The following MYNN variants were observed in gnomAD, a reference collection of about 807,000 sequenced individuals.
MYNN encodes myoneurin, also known as zinc finger and BTB domain-containing protein 31.
Under a neutral mutation model 57.2 loss-of-function variants are expected in MYNN, and 22 were observed. The ratio of observed to expected loss-of-function variants is 0.38; its 90% CI spans 0.27 to 0.55. The LOEUF (loss-of-function observed/expected upper bound fraction) is 0.55, where lower values mean the gene tolerates loss of function less well. MYNN is among the 20% of genes least tolerant of loss of function. The pLI is 0.71. For missense variants in MYNN, 566 were observed against 723.1 expected (o/e 0.78, Z 2.49); for synonymous variants, 241 against 257.1 (o/e 0.94, Z 0.60).
Position 169,780,742 on chromosome 3 carries a change from C to G in MYNN, c.1213C>G (p.His405Asp), listed in dbSNP as rs763099051. Residue 405 changes from histidine (H) to aspartate (D), a missense_variant, in exon 4 of 8, where the codon CAT becomes GAT. Coordinates refer to ENST00000349841, the MANE Select transcript of MYNN (RefSeq NM_018657.5). Reference sequence around the variant, plus strand: ...TGCAACTTCTAGCAATCTCAAGATTCATGCAAGGTAAAAAACCAAATGAGT... The same window carrying G: ...TGCAACTTCTAGCAATCTCAAGATTGATGCAAGGTAAAAAACCAAATGAGT... ...QFATSSNLKI[H>D]ARKHSGEKPY... 1 of 1,597,658 alleles carries G rather than the reference C, an allele frequency of 6.3e-7. No individual in the cohort carries two copies. The highest frequency in any genetic ancestry group is 1.8e-5 in the Admixed American group (1 of 55,260).
In MYNN at chr3:169,784,769, T is replaced by C. The variant is rs1778622707; in HGVS notation, c.1570+61T>C. On this transcript the variant is annotated intron_variant, in intron 7 of 7. Coordinates refer to ENST00000349841, the MANE Select transcript of MYNN (RefSeq NM_018657.5). The stretch of plus-strand genomic sequence containing the variant: ...TTTAATTTGGTGCTCATATTAGTGC[T>C]ATTCCTTAAAATGCTGAGATGAGAT... 41 of 1,068,566 alleles carry C rather than the reference T, an allele frequency of 3.8e-5. 1 individual carries two copies. The South Asian group carries it at 5.7e-4, about 15-fold the overall frequency. The allele number at this position is 1,068,566 out of a possible 1,614,324, so 66.2% of individuals were successfully genotyped here. A position where few individuals can be genotyped will look rare whatever the true frequency, so the allele number is the denominator to read the frequency against.
At chr3:169,783,947 G>A (rs969706098) in intron 6 of MYNN, 12 of 263,882 alleles carry the variant, frequency 4.5e-5, no homozygotes, top group Non-Finnish European at 9.0e-5. Context: ...CATGCTTATT[G>A]TAAAAAGTAG....
At chr3:169,785,524 T>C (rs913273053) in intron 7 of MYNN, among the ~76,000 whole-genome samples, 1 of 151,972 alleles carries the variant, frequency 6.6e-6, no homozygotes, top group African/African-American at 2.4e-5. Context: ...ACAAAAGTGC[T>C]AAAGAAGATA....
chr3:169,776,695 T>C (rs891859422), intron 2 of MYNN, among the ~76,000 whole-genome samples: 2 of 71,452 alleles, frequency 2.8e-5, no homozygotes, highest in Admixed American at 3.3e-4. Flanking sequence ...GTTGAACAAA[T>C]TTTTTTTTTT....
intron 1 of MYNN, 149 bp from the exon 2 acceptor site, chr3:169,774,116 G>A (rs1477340920): frequency 1.6e-6 from 1 of 607,490 alleles, no homozygotes; most frequent in Non-Finnish European, 2.9e-6. Flanking sequence ...AGATAGAAAG[G>A]CACTCATCCC....
At position 169,788,312 on chromosome 3, in the gene MYNN, A is replaced by G. The variant is rs78698796; in HGVS notation, c.*1634A>G. On this transcript the variant is annotated 3_prime_UTR_variant, in exon 8 of 8. Coordinates refer to ENST00000349841, the MANE Select transcript of MYNN (RefSeq NM_018657.5). ...AATACCACCTTTGTATGATGCAAAC[A>G]ATATTTGATTATTTTATCTAAGAAA... 6.0e-3 allele frequency: 911 copies of G among 152,266 alleles called. 14 individuals carry two copies. Among genetic ancestry groups the G allele is most frequent in the African/African-American group, 0.021 (869 of 41,566 alleles). The allele number at this position is 152,266 out of a possible 1,614,324, so 9.4% of individuals were successfully genotyped here.
intron 2 of MYNN, among the ~76,000 whole-genome samples, chr3:169,776,305 G>T (rs1475315356): frequency 6.6e-6 from 1 of 152,150 alleles, no homozygotes; most frequent in African/African-American, 2.4e-5. Flanking sequence ...AAATAGAAAG[G>T]CTTACAACTT....
In MYNN at chr3:169,778,965, A is replaced by G. The variant is rs1405904382; in HGVS notation, c.464A>G (p.Lys155Arg). Residue 155 changes from lysine (K) to arginine (R), a missense_variant, in exon 3 of 8, where the codon AAA becomes AGA. Transcript: ENST00000349841. ...LTLRDYNNRE[K>R]SEVSTDLIQA... ...CTGCGAGATTATAATAATCGAGAGA[A>G]ATCAGAAGTATCTACAGATTTGATT... The G allele has an allele frequency of 6.2e-7, 1 of 1,613,810 alleles. No homozygotes were observed. Among genetic ancestry groups the G allele is most frequent in the East Asian group, 2.2e-5 (1 of 44,890 alleles).
In MYNN at chr3:169,789,161, T is replaced by G. The variant is rs1168718727; in HGVS notation, c.*2483T>G. ...AAGAAACCGTAGATTATATAAAAAT[T>G]TTTTTGCTGTTTTTAAATGGCATTT... On this transcript the variant is annotated 3_prime_UTR_variant, in exon 8 of 8. Transcript: ENST00000349841. The G allele has an allele frequency of 6.6e-6, 1 of 152,146 alleles. No homozygotes were observed. The highest frequency in any genetic ancestry group is 2.4e-5 in the African/African-American group (1 of 41,430). 9.4% of individuals were successfully genotyped at this position (152,146 alleles called of 1,614,324 possible).
At chr3:169,783,308 TA>T (rs1490838910) in intron 5 of MYNN, among the ~76,000 whole-genome samples, 168 bp from the exon 6 acceptor site, 1 of 152,086 alleles carries the variant, frequency 6.6e-6, no homozygotes, top group Non-Finnish European at 1.5e-5. Context: ...CAGTATACAA[TA>T]ATTACTAATA....
chr3:169,777,695 C>A (rs1279096672), intron 2 of MYNN: 1 of 152,180 alleles, frequency 6.6e-6, no homozygotes, highest in Non-Finnish European at 1.5e-5. Flanking sequence ...AGGGCAGAGA[C>A]TATTTACTTA....
chr3:169,774,896 T>C (rs930695877), intron 2 of MYNN, among the ~76,000 whole-genome samples: 2 of 152,134 alleles, frequency 1.3e-5, no homozygotes, highest in African/African-American at 4.8e-5. Flanking sequence ...TGGAGTGCAG[T>C]GGGGCAATCT....
At chr3:169,779,821 T>C in intron 3 of MYNN, 2 of 456,048 alleles carry the variant, frequency 4.4e-6, no homozygotes, top group Admixed American at 3.7e-5. Context: ...TTACCAAGTA[T>C]TTAACAGAGA....
rs1778738357 is a variant in MYNN at position 169,788,579 on chromosome 3, A to C, written c.*1901A>C. 1 of 152,190 alleles carries C rather than the reference A, an allele frequency of 6.6e-6. No homozygotes were observed. Among genetic ancestry groups the C allele is most frequent in the Non-Finnish European group, 1.5e-5 (1 of 67,984 alleles). 9.4% of individuals were successfully genotyped at this position (152,190 alleles called of 1,614,324 possible). Reference sequence around the variant, plus strand: ...AACAAAAAACTGCTACAGTGACGTCATAATTCTATAAGGGCAATAGTTGCC... The same window carrying C: ...AACAAAAAACTGCTACAGTGACGTCCTAATTCTATAAGGGCAATAGTTGCC... On this transcript the variant is annotated 3_prime_UTR_variant, in exon 8 of 8. Coordinates refer to ENST00000349841, the MANE Select transcript of MYNN (RefSeq NM_018657.5).
At position 169,779,323 on chromosome 3, in the gene MYNN, G is replaced by A. The variant is rs1778441938; in HGVS notation, c.822G>A (p.Met274Ile). The A allele has an allele frequency of 1.2e-6, 2 of 1,614,086 alleles. No individual in the cohort carries two copies. Among genetic ancestry groups the A allele is most frequent in the Non-Finnish European group, 1.7e-6 (2 of 1,180,056 alleles). Reference sequence around the variant, plus strand: ...ACTGTGCTCTGAAAGAACACTCTATGTCTAATATAGCCAGCGTCAAGAGTC... The same window carrying A: ...ACTGTGCTCTGAAAGAACACTCTATATCTAATATAGCCAGCGTCAAGAGTC... ...QPNCALKEHS[M>I]SNIASVKSPY... is the part of the protein sequence containing the mutation. Residue 274 changes from methionine (M) to isoleucine (I), a missense_variant, in exon 3 of 8, where the codon ATG (methionine) becomes ATA (isoleucine). Met to Ile is a conservative substitution (Grantham distance 10). This residue lies in a region of MYNN where 261 missense variants were observed against 280.8 expected (regional missense o/e 0.93). Coordinates refer to ENST00000349841, the MANE Select transcript of MYNN (RefSeq NM_018657.5).
Position 169,782,940 on chromosome 3 carries a change from T to C in MYNN, c.1399+297T>C, listed in dbSNP as rs148357625. On this transcript the variant is annotated intron_variant, in intron 5 of 7. Transcript: ENST00000349841. This position sits in a 1 kb window ranked among gnomAD's most constrained non-coding sequence, Gnocchi z 4.8. ...ATTTTGTGACTTTATAAAAACCTTT[T>C]CAGCTTCCTAAAGGGTCATCTCCTA... 3.7e-3 allele frequency among the ~76,000 whole-genome samples: 561 copies of C among 152,288 alleles called. 4 individuals are homozygous for C. The highest frequency in any genetic ancestry group is 0.013 in the African/African-American group (551 of 41,570).
chr3:169,780,815 A>G (rs1778488436), intron 4 of MYNN, 66 bp downstream of exon 4: 3 of 1,271,288 alleles, frequency 2.4e-6, no homozygotes, highest in South Asian at 1.6e-5. Context: ...TGAATAGACT[A>G]TTATATTAGA....
intron 2 of MYNN, chr3:169,778,215 CA>C (rs1398778623): frequency 6.5e-6 from 1 of 152,888 alleles, no homozygotes. Flanking sequence ...CATCTCAAAA[CA>C]GAAAAAAAAT....
At position 169,786,691 on chromosome 3, in the gene MYNN, T is replaced by C. The variant is rs150852192; in HGVS notation, c.*13T>C. Reference sequence around the variant, plus strand: ...ACAATTATACTGACTTTGTAAGGAATATGGAATTGCTAAGATATCATTGGT... The same window carrying C: ...ACAATTATACTGACTTTGTAAGGAACATGGAATTGCTAAGATATCATTGGT... On this transcript the variant is annotated 3_prime_UTR_variant, in exon 8 of 8. Coordinates refer to ENST00000349841, the MANE Select transcript of MYNN (RefSeq NM_018657.5). 8.1e-6 allele frequency: 13 copies of C among 1,607,112 alleles called. No homozygotes were observed. In the African/African-American group the frequency reaches 1.1e-4, roughly 13 times the overall value.
Sources: allele counts gnomAD v4.1 joint callset (sites outside exome capture counted in the v4.1 genomes callset), GRCh38; gene constraint gnomAD v4.1.1; regional missense constraint gnomAD v4.1.1; non-coding constraint Gnocchi (gnomAD v3.1); transcripts MANE v1.5; gene names NCBI Gene and HGNC (gene_info 2026-07-23, HGNC 2026-07-21).